The following SORCS1 variants were observed in gnomAD, a reference collection of about 807,000 sequenced individuals.
The protein encoded by SORCS1 is sortilin related VPS10 domain containing receptor 1, also known as VPS10 domain-containing receptor SorCS1.
In SORCS1, 60 loss-of-function variants were observed where a neutral mutation model predicts 146.1. The ratio of observed to expected loss-of-function variants is 0.41; its 90% CI spans 0.33 to 0.51. SORCS1 has a LOEUF of 0.51. Among genes scored for constraint, SORCS1 ranks in the 20% least tolerant of loss-of-function variants. SORCS1 has a pLI of 0.21. For missense variants in SORCS1, 1,352 were observed against 1,487.6 expected, an observed-to-expected ratio of 0.91 and a Z score of 1.50; for synonymous variants, 637 against 584.0, an observed-to-expected ratio of 1.09 and a Z score of -1.31.
chr10:106,816,245 T>C (rs1947735743), intron 3 of SORCS1, among the ~76,000 whole-genome samples: 1 of 152,236 alleles, frequency 6.6e-6, no homozygotes, highest in African/African-American at 2.4e-5. Context: ...TTAAGGCTAC[T>C]GGTCAGTCAG....
intron 1 of SORCS1, among the ~76,000 whole-genome samples, chr10:107,139,807 A>G (rs1967655927): frequency 6.6e-6 from 1 of 152,192 alleles, no homozygotes; most frequent in Non-Finnish European, 1.5e-5. Context: ...ATGGCTAATA[A>G]CTGGATCATA....
In SORCS1 at chr10:106,786,465, T is replaced by C. The variant is rs565771982; in HGVS notation, c.727-9773A>G. On this transcript the variant is annotated intron_variant, in intron 3 of 25. Transcript: ENST00000263054. ...TTTCATAATAGTTGAATTTCTTATATAGCAGTGGTTTCCTTCAGTGTGAAT... is the reference window on the plus strand; with the variant it reads ...TTTCATAATAGTTGAATTTCTTATACAGCAGTGGTTTCCTTCAGTGTGAAT... Among the ~76,000 whole-genome samples the C allele has an allele frequency of 2.3e-3, 352 of 152,274 alleles. 1 individual carries two copies. Among genetic ancestry groups the C allele is most frequent in the Non-Finnish European group, 2.9e-3 (196 of 68,030 alleles).
intron 14 of SORCS1, among the ~76,000 whole-genome samples, chr10:106,674,773 T>A (rs1471093240): frequency 6.6e-6 from 1 of 152,224 alleles, no homozygotes; most frequent in Admixed American, 6.5e-5. Flanking sequence ...ATATCCAGGT[T>A]CTTTATTACT....
intron 2 of SORCS1, among the ~76,000 whole-genome samples, chr10:106,951,213 T>G (rs1312309504): frequency 2.0e-5 from 3 of 152,040 alleles, no homozygotes; most frequent in Non-Finnish European, 4.4e-5. Context: ...TTTGTCCCCC[T>G]CTAAAAAGGA....
chr10:106,834,226 T>C (rs1350816763), intron 2 of SORCS1, among the ~76,000 whole-genome samples: 1 of 152,234 alleles, frequency 6.6e-6, no homozygotes, highest in Non-Finnish European at 1.5e-5. Context: ...GGATGCTTTT[T>C]GCCCAACAAA....
chr10:106,653,754 T>C (rs532032958), intron 17 of SORCS1, among the ~76,000 whole-genome samples: 157 of 152,364 alleles, frequency 1.0e-3, no homozygotes, highest in African/African-American at 3.7e-3. Context: ...TTATCTCATA[T>C]GTTAAATGTA....
At chr10:106,917,532 G>A (rs957557295) in intron 2 of SORCS1, among the ~76,000 whole-genome samples, 10 of 152,142 alleles carry the variant, frequency 6.6e-5, no homozygotes, top group Non-Finnish European at 1.2e-4. Flanking sequence ...AACCCTGGAG[G>A]ACAGATGACT....
At chr10:106,816,941 T>C (rs1947773365) in intron 3 of SORCS1, among the ~76,000 whole-genome samples, 1 of 152,180 alleles carries the variant, frequency 6.6e-6, no homozygotes, top group Non-Finnish European at 1.5e-5. Context: ...CTGAGTCCTC[T>C]GTGGGAGTCT....
rs151230184 is a variant in SORCS1 at position 106,860,417 on chromosome 10, C to T, written c.627-30744G>A. The stretch of plus-strand genomic sequence containing the variant: ...CATTACCCTACACTCCTGAATTATG[C>T]GGTTTATGAATAACAGTGAACATTT... On this transcript the variant is annotated intron_variant, in intron 2 of 25. Coordinates refer to ENST00000263054, the MANE Select transcript of SORCS1 (RefSeq NM_052918.5). Among the ~76,000 whole-genome samples, 578 of 152,278 alleles carry T rather than the reference C, an allele frequency of 3.8e-3. 6 individuals carry two copies. Among genetic ancestry groups the T allele is most frequent in the African/African-American group, 0.012 (514 of 41,532 alleles).
chr10:106,886,992 G>A (rs1951026309), intron 2 of SORCS1, among the ~76,000 whole-genome samples: 3 of 152,116 alleles, frequency 2.0e-5, no homozygotes, highest in Admixed American at 6.6e-5. Flanking sequence ...AAAATATAAT[G>A]GTCTTCATAA....
chr10:106,787,108 T>TTTTA (rs1946093364), intron 3 of SORCS1, among the ~76,000 whole-genome samples: 1 of 152,182 alleles, frequency 6.6e-6, no homozygotes, highest in African/African-American at 2.4e-5. Context: ...TAAGCAACTC[T>TTTTA]CTAATAAAAG....
chr10:107,152,233 G>A (rs1265481846), intron 1 of SORCS1, among the ~76,000 whole-genome samples: 2 of 152,220 alleles, frequency 1.3e-5, no homozygotes, highest in East Asian at 3.9e-4. Flanking sequence ...AGATTTCAGA[G>A]GATGTACAGA....
intron 2 of SORCS1, among the ~76,000 whole-genome samples, chr10:106,926,888 G>C (rs1254477825): frequency 6.6e-6 from 1 of 151,438 alleles, no homozygotes; most frequent in African/African-American, 2.4e-5. Flanking sequence ...GAGAGAGAGA[G>C]AGAGAGAGAG....
chr10:107,083,931 T>G (rs1963546866), intron 1 of SORCS1, among the ~76,000 whole-genome samples: 1 of 152,166 alleles, frequency 6.6e-6, no homozygotes, highest in African/African-American at 2.4e-5. Flanking sequence ...TGGAATGCTG[T>G]TGGATATTCA....
intron 3 of SORCS1, among the ~76,000 whole-genome samples, chr10:106,819,212 T>G (rs1947892847): frequency 6.6e-6 from 1 of 152,172 alleles, no homozygotes; most frequent in South Asian, 2.1e-4. Flanking sequence ...CCATAACTAC[T>G]TTAGGATGTT....
intron 2 of SORCS1, among the ~76,000 whole-genome samples, chr10:106,948,784 C>T (rs891679396): frequency 1.3e-5 from 2 of 151,864 alleles, no homozygotes; most frequent in Admixed American, 6.6e-5. Context: ...ATGGTGAAAC[C>T]GCGTCTCTAC....
chr10:106,618,572 G>T (rs1299314107), intron 20 of SORCS1, among the ~76,000 whole-genome samples: 1 of 152,148 alleles, frequency 6.6e-6, no homozygotes, highest in African/African-American at 2.4e-5. Flanking sequence ...CTCTCTTTAT[G>T]CATGACCTAC....
chr10:106,810,308 C>T (rs1226831516), intron 3 of SORCS1, among the ~76,000 whole-genome samples: 1 of 152,154 alleles, frequency 6.6e-6, no homozygotes, highest in Non-Finnish European at 1.5e-5. Flanking sequence ...AAATTTAAAG[C>T]AATATAACCC....
chr10:107,169,197 T>C (rs1970109543), upstream of SORCS1, among the ~76,000 whole-genome samples: 1 of 152,332 alleles, frequency 6.6e-6, no homozygotes, highest in South Asian at 2.1e-4. Flanking sequence ...GCCTCATCGT[T>C]TGAACAATGT....
Sources: allele counts gnomAD v4.1 joint callset (sites outside exome capture counted in the v4.1 genomes callset), GRCh38; gene constraint gnomAD v4.1.1; transcripts MANE v1.5; gene names NCBI Gene and HGNC (gene_info 2026-07-23, HGNC 2026-07-21).